The following GPBP1L1 variants were observed in gnomAD, a reference collection of about 807,000 sequenced individuals.
The protein encoded by GPBP1L1 is vasculin-like protein 1.
GPBP1L1 carries 23 observed loss-of-function variants against 52.5 expected under a neutral mutation model. That is an observed-to-expected ratio of 0.44 (90% CI 0.32 to 0.62). The LOEUF (loss-of-function observed/expected upper bound fraction) is 0.62, where lower values mean the gene tolerates loss of function less well. Ranked by LOEUF, GPBP1L1 falls within the 20% of genes least tolerant of loss-of-function variation. The pLI, the probability that GPBP1L1 is intolerant of heterozygous loss-of-function variation, is 0.06. For missense variants in GPBP1L1, 596 were observed against 579.3 expected, an observed-to-expected ratio of 1.03 and a Z score of -0.30; for synonymous variants, 243 against 203.1, an observed-to-expected ratio of 1.20 and a Z score of -1.67.
chr1:45,653,468 GCCT>G (rs1644844331), intron 6 of GPBP1L1, among the ~76,000 whole-genome samples: 1 of 152,070 alleles, frequency 6.6e-6, no homozygotes, highest in South Asian at 2.1e-4. Flanking sequence ...TAATCCTCCT[GCCT>G]CAGTCTCCCT....
intron 10 of GPBP1L1, among the ~76,000 whole-genome samples, chr1:45,632,555 A>C (rs1336711536): frequency 6.6e-6 from 1 of 151,936 alleles, no homozygotes; most frequent in East Asian, 1.9e-4. Context: ...ATCTCTACTA[A>C]GAATACAAAA....
In GPBP1L1 at chr1:45,640,372, C is replaced by G; in HGVS notation, c.582G>C (p.Lys194Asn). The change falls in exon 8 of 13, where the codon AAG becomes AAC. Residue 194 changes from lysine to asparagine, a missense_variant. Transcript: ENST00000355105. Reference sequence around the variant, plus strand: ...TGGAAACTTTTTTGATAACTAGCATCTTGGAGGGTTGCTTGGCACTAGGCG... The same window carrying G: ...TGGAAACTTTTTTGATAACTAGCATGTTGGAGGGTTGCTTGGCACTAGGCG... ...ENPPSAKQPS[K>N]MLVIKKVSKE... 6.2e-7 allele frequency: 1 copy of G among 1,614,066 alleles called. No homozygotes were observed. The highest frequency in any genetic ancestry group is 8.5e-7 in the Non-Finnish European group (1 of 1,180,020).
intron 7 of GPBP1L1, among the ~76,000 whole-genome samples, chr1:45,641,173 G>C (rs1644667007): frequency 6.6e-6 from 1 of 152,090 alleles, no homozygotes; most frequent in East Asian, 1.9e-4. Context: ...AGAGGAGAAG[G>C]TACATCGATC....
At chr1:45,658,859 C>G in intron 4 of GPBP1L1, 169 bp downstream of exon 4, 1 of 582,742 alleles carries the variant, frequency 1.7e-6, no homozygotes, top group Non-Finnish European at 3.1e-6. Context: ...GGAGGACTGC[C>G]TGAGCCCAGG....
rs1055993196 is a variant in GPBP1L1 at position 45,639,203 on chromosome 1, A to G, written c.744+1007T>C. ...TTCAGGAAGGCATGTGATATATTCAATTGTTTTTGGAATGATCATTCTGGC... is the reference window on the plus strand; with the variant it reads ...TTCAGGAAGGCATGTGATATATTCAGTTGTTTTTGGAATGATCATTCTGGC... On this transcript the variant is annotated intron_variant, in intron 8 of 12. Transcript: ENST00000355105. 1.9e-3 allele frequency among the ~76,000 whole-genome samples: 4 copies of G among 2,052 alleles called. No homozygotes were observed. The Non-Finnish European group carries it at 0.022, about 11-fold the overall frequency. 1.3% of individuals were successfully genotyped at this position (2,052 alleles called of 152,430 possible).
At chr1:45,682,688 C>T (rs1645225364) in intron 2 of GPBP1L1, among the ~76,000 whole-genome samples, 9 of 152,102 alleles carry the variant, frequency 5.9e-5, no homozygotes, top group Admixed American at 5.9e-4. Context: ...CAATTATTTG[C>T]CTTAGTAAAG....
chr1:45,632,894 A>C (rs944225094), intron 10 of GPBP1L1, among the ~76,000 whole-genome samples: 7 of 152,212 alleles, frequency 4.6e-5, no homozygotes, highest in African/African-American at 7.2e-5. Flanking sequence ...GACCTGAACA[A>C]ACACATCAAC....
intron 8 of GPBP1L1, among the ~76,000 whole-genome samples, chr1:45,636,443 T>G (rs1644595768): frequency 6.6e-6 from 1 of 152,208 alleles, no homozygotes. Flanking sequence ...CTCTACCTAC[T>G]TTAACTTCTC....
At chr1:45,659,175 T>C in intron 3 of GPBP1L1, 33 bp from the exon 4 acceptor site, 2 of 1,263,104 alleles carry the variant, frequency 1.6e-6, no homozygotes, top group Non-Finnish European at 2.3e-6. Flanking sequence ...CACTTATGTT[T>C]ACAAGAATCT....
At chr1:45,648,338 TTCTC>T (rs1440972113) in intron 6 of GPBP1L1, among the ~76,000 whole-genome samples, 1 of 152,224 alleles carries the variant, frequency 6.6e-6, no homozygotes, top group Non-Finnish European at 1.5e-5. Flanking sequence ...TATATTAACT[TTCTC>T]TATTCAAACT....
intron 10 of GPBP1L1, 46 bp downstream of exon 10, chr1:45,633,443 A>G (rs1557694498): frequency 6.3e-7 from 1 of 1,598,406 alleles, no homozygotes; most frequent in Non-Finnish European, 8.5e-7. Context: ...CGTATGTATC[A>G]AAGGAAAATT....
chr1:45,627,617 C>T lies in GPBP1L1; in HGVS notation c.*639G>A, dbSNP rs1008750198. The stretch of plus-strand genomic sequence containing the variant: ...TCAAAATAATCTTAATCTTTGAAAT[C>T]TCACAAAAATTTATATTTTACAATC... On this transcript the variant is annotated 3_prime_UTR_variant, in exon 13 of 13. Transcript: ENST00000355105. 1.3e-5 allele frequency: 2 copies of T among 151,966 alleles called. No homozygotes were observed. The highest frequency in any genetic ancestry group is 4.8e-5 in the African/African-American group (2 of 41,238). 9.4% of individuals were successfully genotyped at this position (151,966 alleles called of 1,614,324 possible). A position where few individuals can be genotyped will look rare whatever the true frequency, so the allele number is the denominator to read the frequency against.
chr1:45,640,022 T>A (rs1256189230), intron 8 of GPBP1L1, among the ~76,000 whole-genome samples, 188 bp downstream of exon 8: 1 of 148,726 alleles, frequency 6.7e-6, no homozygotes, highest in East Asian at 2.0e-4. Flanking sequence ...GGTGACAGAG[T>A]GAGACCTTGT....
At chr1:45,671,903 A>G (rs1214670976) in intron 2 of GPBP1L1, among the ~76,000 whole-genome samples, 1 of 152,152 alleles carries the variant, frequency 6.6e-6, no homozygotes, top group Non-Finnish European at 1.5e-5. Context: ...TTGCTATGAC[A>G]TTGCTTGGAA....
chr1:45,634,054 T>C, intron 9 of GPBP1L1, 42 bp downstream of exon 9: 1 of 1,552,574 alleles, frequency 6.4e-7, no homozygotes. Context: ...GAACGGGAAA[T>C]GGCAATTTCA....
intron 8 of GPBP1L1, among the ~76,000 whole-genome samples, chr1:45,639,473 T>TA (rs1644640316): frequency 6.6e-6 from 1 of 151,104 alleles, no homozygotes; most frequent in South Asian, 2.1e-4. Context: ...ACGCCCATAA[T>TA]CTCAGCGCTC....
At chr1:45,644,923 G>C (rs1644723688) in intron 6 of GPBP1L1, among the ~76,000 whole-genome samples, 1 of 152,152 alleles carries the variant, frequency 6.6e-6, no homozygotes, top group Non-Finnish European at 1.5e-5. Context: ...AGTTCATATA[G>C]AAAAAATATG....
At chr1:45,675,814 T>C (rs1645132679) in intron 2 of GPBP1L1, among the ~76,000 whole-genome samples, 1 of 152,222 alleles carries the variant, frequency 6.6e-6, no homozygotes, top group Non-Finnish European at 1.5e-5. Context: ...GTGCTAGGAT[T>C]ACAGGCATGA....
intron 2 of GPBP1L1, among the ~76,000 whole-genome samples, chr1:45,678,747 G>A (rs1470205741): frequency 2.0e-5 from 3 of 152,184 alleles, no homozygotes; most frequent in African/African-American, 7.2e-5. Context: ...TCCTGAATCA[G>A]ATAATGGCTT....
Sources: allele counts gnomAD v4.1 joint callset (sites outside exome capture counted in the v4.1 genomes callset), GRCh38; gene constraint gnomAD v4.1.1; transcripts MANE v1.5; gene names NCBI Gene and HGNC (gene_info 2026-07-23, HGNC 2026-07-21).